TET1: variants seen among roughly 807,000 people sequenced by gnomAD.
TET1 encodes the protein methylcytosine dioxygenase TET1.
A neutral mutation model predicts 148.7 loss-of-function variants in TET1; 13 were observed. The ratio of observed to expected loss-of-function variants is 0.09; its 90% CI spans 0.06 to 0.14. The LOEUF (loss-of-function observed/expected upper bound fraction) is 0.14, where lower values mean the gene tolerates loss of function less well. Among genes scored for constraint, TET1 ranks in the 10% least tolerant of loss-of-function variants. The pLI is 1.00. For synonymous variants in TET1, 907 were observed against 937.2 expected, an observed-to-expected ratio of 0.97 and a Z score of 0.59; for missense variants, 2,182 against 2,553.8, an observed-to-expected ratio of 0.85 and a Z score of 3.14.
chr10:68,667,230 C>G lies in TET1; in HGVS notation c.4647C>G (p.Thr1549=). ...TAAAGTCATACAATGGGCACCCTAC[C>G]GACAGAAGATGCACCCTCAATGAAA... The part of the protein sequence containing the change: ...ENLKSYNGHP[T]DRRCTLNENR... The change falls in exon 7 of 12, where the codon ACC becomes ACG. Residue 1549 remains threonine (T), a synonymous_variant. Coordinates refer to ENST00000373644, the MANE Select transcript of TET1 (RefSeq NM_030625.3). 1.2e-6 allele frequency: 2 copies of G among 1,613,628 alleles called. No individual in the cohort carries two copies. Among genetic ancestry groups the G allele is most frequent in the Non-Finnish European group, 8.5e-7 (1 of 1,179,844 alleles).
intron 3 of TET1, among the ~76,000 whole-genome samples, chr10:68,639,048 T>C (rs2054698668): frequency 6.7e-6 from 1 of 148,644 alleles, no homozygotes; most frequent in Admixed American, 6.9e-5. Context: ...AGGATAATTT[T>C]TAAAAGTGAT....
At chr10:68,653,364 C>T (rs1158344172) in intron 6 of TET1, among the ~76,000 whole-genome samples, 1 of 152,116 alleles carries the variant, frequency 6.6e-6, no homozygotes, top group Non-Finnish European at 1.5e-5. Flanking sequence ...CATGAGATTG[C>T]TCTAATTATT....
intron 7 of TET1, among the ~76,000 whole-genome samples, chr10:68,672,677 G>T (rs1649990649): frequency 6.6e-6 from 1 of 151,904 alleles, no homozygotes; most frequent in Non-Finnish European, 1.5e-5. Flanking sequence ...TTATAATAAA[G>T]TATAGTTAAC....
Position 68,646,998 on chromosome 10 carries a change from C to G in TET1, c.4269C>G (p.Ser1423Arg), listed in dbSNP as rs766096309. ...ITKDSELPTC[S>R]CLDRVIQKDK... is the part of the protein sequence containing the mutation. ...AAGATTCTGAACTGCCCACCTGCAG[C>G]TGTCTTGGTGAGTACTTGTGTGCAT... Residue 1423 changes from serine (S) to arginine (R), a missense_variant, in exon 4 of 12, where the codon AGC becomes AGG. Physicochemically the swap from Ser to Arg is moderately radical, Grantham distance 110. This residue lies in a region of TET1 where 169 missense variants were observed against 263.7 expected (regional missense o/e 0.64). Transcript: ENST00000373644. 3 of 1,610,800 alleles carry G rather than the reference C, an allele frequency of 1.9e-6. No homozygotes were observed. The highest frequency in any genetic ancestry group is 2.5e-6 in the Non-Finnish European group (3 of 1,178,396).
chr10:68,676,306 C>T (rs1324067582), intron 8 of TET1, among the ~76,000 whole-genome samples: 3 of 100,024 alleles, frequency 3.0e-5, no homozygotes, highest in African/African-American at 8.7e-5. Context: ...TCTTCTGAGA[C>T]GGAGTCTTGC....
chr10:68,672,515 C>A (rs909412646), intron 7 of TET1, among the ~76,000 whole-genome samples: 203 of 85,314 alleles, frequency 2.4e-3, no homozygotes, highest in South Asian at 3.3e-3. Context: ...AAAAAAACAC[C>A]AAAAAAAAAA....
intron 2 of TET1, among the ~76,000 whole-genome samples, chr10:68,594,232 T>C (rs1467572368): frequency 1.3e-5 from 2 of 152,112 alleles, no homozygotes; most frequent in Admixed American, 6.6e-5. Flanking sequence ...AGCCCTGTTA[T>C]TGGATTTTTC....
chr10:68,574,008 TCAA>T lies in TET1; in HGVS notation c.1673_1675del (p.Asn558del). On this transcript the variant is annotated inframe_deletion, in exon 2 of 12. Transcript: ENST00000373644. ...AGTGTAACCAGCACAGTTCATGTTG[TCAA>T]CACCACAGTGGTGACTATGCCAGTG... is the stretch of plus-strand genomic sequence containing the variant. 1 of 1,614,190 alleles carries T rather than the reference TCAA, an allele frequency of 6.2e-7. No individual in the cohort carries two copies. The highest frequency in any genetic ancestry group is 8.5e-7 in the Non-Finnish European group (1 of 1,180,028).
At chr10:68,637,789 T>C (rs2054676527) in intron 3 of TET1, among the ~76,000 whole-genome samples, 1 of 151,922 alleles carries the variant, frequency 6.6e-6, no homozygotes, top group African/African-American at 2.4e-5. Flanking sequence ...GGAGAATCAC[T>C]TGAACCTGGG....
At chr10:68,679,611 A>G (rs935338813) in intron 8 of TET1, among the ~76,000 whole-genome samples, 3 of 152,158 alleles carry the variant, frequency 2.0e-5, no homozygotes, top group South Asian at 2.1e-4. Context: ...TCCCAAATAA[A>G]CATAATAATT....
Position 68,576,914 on chromosome 10 carries a change from G to GT in TET1, c.1914+2663dup, listed in dbSNP as rs1316861660. Among the ~76,000 whole-genome samples, 4 of 127,052 alleles carry GT rather than the reference G, an allele frequency of 3.1e-5. No individual in the cohort carries two copies. In the East Asian group the frequency reaches 9.4e-4, roughly 30 times the overall value. 83.4% of individuals were successfully genotyped at this position (127,052 alleles called of 152,430 possible). ...CCACCACCATACCTGGCTAATTTTT[G>GT]TATTTTTTTTTTTTGAGAGAGTCTC... On this transcript the variant is annotated intron_variant, in intron 2 of 11. Coordinates refer to ENST00000373644, the MANE Select transcript of TET1 (RefSeq NM_030625.3).
At chr10:68,630,583 G>A (rs1364723176) in intron 3 of TET1, among the ~76,000 whole-genome samples, 1 of 152,210 alleles carries the variant, frequency 6.6e-6, no homozygotes, top group East Asian at 1.9e-4. Flanking sequence ...CCAAAGCGCT[G>A]GGATTACAGG....
intron 2 of TET1, among the ~76,000 whole-genome samples, chr10:68,590,930 A>G (rs1230801518): frequency 1.3e-5 from 2 of 150,822 alleles, no homozygotes; most frequent in Non-Finnish European, 2.9e-5. Context: ...ATCTCGGCTC[A>G]TTGCAACCTC....
chr10:68,657,844 T>G (rs2055048167), intron 6 of TET1, among the ~76,000 whole-genome samples: 1 of 152,016 alleles, frequency 6.6e-6, no homozygotes, highest in Non-Finnish European at 1.5e-5. Flanking sequence ...GTGGGAAAAA[T>G]TTTAAAACAA....
At chr10:68,627,972 C>T (rs113911664) in intron 3 of TET1, among the ~76,000 whole-genome samples, 9 of 151,908 alleles carry the variant, frequency 5.9e-5, no homozygotes, top group African/African-American at 2.2e-4. Flanking sequence ...CCGTGCCCGG[C>T]CCCCAAATAT....
intron 1 of TET1, among the ~76,000 whole-genome samples, chr10:68,566,995 A>G (rs116432871): frequency 0.015 from 2,290 of 152,248 alleles, 59 homozygotes; most frequent in African/African-American, 0.052. Context: ...TGTATTAAAC[A>G]TGAAGAAACA....
intron 1 of TET1, among the ~76,000 whole-genome samples, chr10:68,567,326 A>G (rs2133669997): frequency 6.6e-6 from 1 of 152,234 alleles, no homozygotes. Context: ...ACATGAAACT[A>G]AACAGTGGGT....
intron 3 of TET1, among the ~76,000 whole-genome samples, chr10:68,641,602 G>A (rs771937771): frequency 2.8e-4 from 43 of 152,058 alleles, no homozygotes; most frequent in African/African-American, 1.0e-3. Flanking sequence ...GGGTTCAAGC[G>A]ATTCCCCTAC....
intron 2 of TET1, among the ~76,000 whole-genome samples, chr10:68,594,476 T>A: frequency 6.6e-6 from 1 of 152,110 alleles, no homozygotes; most frequent in East Asian, 1.9e-4. Context: ...AGGAATCCAG[T>A]AGATCTGGCC....
Sources: gnomAD v4.1 joint callset for allele counts (sites outside exome capture counted in the v4.1 genomes callset) on GRCh38, gnomAD v4.1.1 for gene constraint, gnomAD v4.1.1 regional missense constraint, MANE v1.5 for transcripts, NCBI Gene and HGNC (gene_info 2026-07-23, HGNC 2026-07-21) for gene names.